The following SPTLC1 variants were observed in gnomAD, a reference collection of about 807,000 sequenced individuals.
The protein encoded by SPTLC1 is serine palmitoyltransferase long chain base subunit 1.
In SPTLC1, 55 loss-of-function variants were observed where a neutral mutation model predicts 68.9. The observed-to-expected ratio is 0.80, with a 90% CI of 0.64 to 1.00. SPTLC1 has a LOEUF of 1.00. Among genes scored for constraint, SPTLC1 ranks in the 50% least tolerant of loss-of-function variants. The pLI is 0.00. For missense variants in SPTLC1, 449 were observed against 573.1 expected (o/e 0.78, Z 2.21); for synonymous variants, 197 against 201.6 (o/e 0.98, Z 0.19).
At chr9:92,112,046 G>A in intron 2 of SPTLC1, 2 of 166,280 alleles carry the variant, frequency 1.2e-5, no homozygotes, top group Non-Finnish European at 2.6e-5. Context: ...AATTTGAGAT[G>A]GGTATGAGTA....
intron 5 of SPTLC1, among the ~76,000 whole-genome samples, chr9:92,075,781 C>T (rs1834662536): frequency 6.6e-6 from 1 of 152,158 alleles, no homozygotes; most frequent in African/African-American, 2.4e-5. Context: ...TCTATTCACT[C>T]TTTATTGAAA....
At chr9:92,071,973 C>T (rs1834509079) in intron 5 of SPTLC1, among the ~76,000 whole-genome samples, 1 of 152,176 alleles carries the variant, frequency 6.6e-6, no homozygotes, top group South Asian at 2.1e-4. Flanking sequence ...CTGTAACTTT[C>T]CATTGCCTAC....
At position 92,080,860 on chromosome 9, in the gene SPTLC1, T is replaced by G; in HGVS notation, c.354+10A>C. 6.3e-7 allele frequency: 1 copy of G among 1,595,218 alleles called. No homozygotes were observed. Among genetic ancestry groups the G allele is most frequent in the Admixed American group, 1.7e-5 (1 of 59,984 alleles). On this transcript the variant is annotated intron_variant, in intron 4 of 14. Coordinates refer to ENST00000262554, the MANE Select transcript of SPTLC1 (RefSeq NM_006415.4). ...GTTATCTGTCCACTTCAGCAATATG[T>G]GCTACTCACCTTAACCCTAGGGTTA...
chr9:92,041,541 C>T (rs996751069), intron 12 of SPTLC1, among the ~76,000 whole-genome samples: 5 of 152,186 alleles, frequency 3.3e-5, no homozygotes, highest in African/African-American at 1.2e-4. Context: ...AGTGGGAGAC[C>T]TACTCTCAAC....
chr9:92,090,946 C>T (rs1369230238), intron 3 of SPTLC1, among the ~76,000 whole-genome samples: 1 of 152,138 alleles, frequency 6.6e-6, no homozygotes, highest in African/African-American at 2.4e-5. Context: ...TAACCTGGGT[C>T]CCTAATCATC....
chr9:92,055,806 A>G (rs77352402), intron 7 of SPTLC1, among the ~76,000 whole-genome samples: 7,891 of 152,312 alleles, frequency 0.052, 266 homozygotes, highest in Middle Eastern at 0.065. Flanking sequence ...GGGACTTTCT[A>G]AAGAAATGGG....
chr9:92,080,667 T>C (rs1366534040), intron 4 of SPTLC1, among the ~76,000 whole-genome samples: 1 of 152,144 alleles, frequency 6.6e-6, no homozygotes, highest in Non-Finnish European at 1.5e-5. Flanking sequence ...GCCTCCCAAG[T>C]AGCTGGGACT....
In SPTLC1 at chr9:92,050,051, T is replaced by A; in HGVS notation, c.797A>T (p.Lys266Ile). ...PLPELVKLKY[K>I]YKARIFLEES... ...CTCCAGGAAGATTCTTGCTTTGTATTTGTATTTTAACTTAACCTAAGTGTT... is the reference window on the plus strand; with the variant it reads ...CTCCAGGAAGATTCTTGCTTTGTATATGTATTTTAACTTAACCTAAGTGTT... Residue 266 changes from lysine to isoleucine, a missense_variant, in exon 9 of 15, where the codon AAA (lysine) becomes ATA (isoleucine). This residue lies in a region of SPTLC1 where 391 missense variants were observed against 472.1 expected (regional missense o/e 0.83). Transcript: ENST00000262554. 1 of 1,612,222 alleles carries A rather than the reference T, an allele frequency of 6.2e-7. No individual in the cohort carries two copies. Among genetic ancestry groups the A allele is most frequent in the South Asian group, 1.1e-5 (1 of 91,050 alleles).
intron 5 of SPTLC1, among the ~76,000 whole-genome samples, chr9:92,070,739 G>A (rs1834449975): frequency 6.6e-6 from 1 of 152,156 alleles, no homozygotes; most frequent in Admixed American, 6.5e-5. Context: ...ACAAGTTAAT[G>A]CTGATAAAAC....
intron 3 of SPTLC1, among the ~76,000 whole-genome samples, chr9:92,098,728 C>T (rs990148659): frequency 1.4e-4 from 22 of 151,974 alleles, no homozygotes; most frequent in African/African-American, 5.1e-4. Context: ...CCTTCCATGA[C>T]CCTTCTCTGA....
intron 6 of SPTLC1, among the ~76,000 whole-genome samples, chr9:92,063,613 C>G (rs1389726140): frequency 6.6e-6 from 1 of 152,034 alleles, no homozygotes; most frequent in African/African-American, 2.4e-5. Flanking sequence ...TAACAAAAGA[C>G]TGGCAAATCG....
intron 13 of SPTLC1, 144 bp from the exon 14 acceptor site, chr9:92,035,027 C>T: frequency 2.6e-6 from 2 of 762,866 alleles, no homozygotes; most frequent in Non-Finnish European, 4.7e-6. Flanking sequence ...AAATACTACA[C>T]CACCACCTTG....
chr9:92,095,632 T>A (rs1000808959), intron 3 of SPTLC1, among the ~76,000 whole-genome samples: 2 of 152,154 alleles, frequency 1.3e-5, no homozygotes, highest in Non-Finnish European at 2.9e-5. Context: ...AAAAAACACC[T>A]CAACCCTTGA....
At chr9:92,105,794 G>A (rs1835949718) in intron 3 of SPTLC1, among the ~76,000 whole-genome samples, 2 of 151,382 alleles carry the variant, frequency 1.3e-5, no homozygotes, top group Non-Finnish European at 2.9e-5. Flanking sequence ...GAGCGCCTCT[G>A]CCTTGCCGCC....
intron 7 of SPTLC1, 145 bp from the exon 8 acceptor site, chr9:92,055,639 T>TCACC: frequency 2.4e-6 from 2 of 838,102 alleles, no homozygotes; most frequent in Non-Finnish European, 3.9e-6. Flanking sequence ...TTGTGATGGG[T>TCACC]TATTTTGAGA....
intron 8 of SPTLC1, among the ~76,000 whole-genome samples, chr9:92,054,278 T>A (rs1290788463): frequency 6.6e-6 from 1 of 152,086 alleles, no homozygotes; most frequent in Non-Finnish European, 1.5e-5. Flanking sequence ...TGAAACTCCA[T>A]CTCAAACAAA....
At chr9:92,115,191 G>A in intron 1 of SPTLC1, 123 bp downstream of exon 1, 7 of 912,088 alleles carry the variant, frequency 7.7e-6, no homozygotes, top group South Asian at 4.0e-5. Flanking sequence ...TCCAGCAAGA[G>A]GCACCGAGTC....
chr9:92,043,528 A>G (rs1260261333), intron 12 of SPTLC1, among the ~76,000 whole-genome samples: 1 of 151,728 alleles, frequency 6.6e-6, no homozygotes, highest in African/African-American at 2.4e-5. Flanking sequence ...TGTCCCTCTC[A>G]CTCATTAGCA....
chr9:92,105,330 A>C (rs1000305900), intron 3 of SPTLC1: 345 of 1,522,696 alleles, frequency 2.3e-4, no homozygotes, highest in Non-Finnish European at 3.3e-5. Context: ...CGCCTCCAGC[A>C]GGGCAACATG....
Sources: gnomAD v4.1 joint callset for allele counts (sites outside exome capture counted in the v4.1 genomes callset) on GRCh38, gnomAD v4.1.1 for gene constraint, gnomAD v4.1.1 regional missense constraint, MANE v1.5 for transcripts, NCBI Gene and HGNC (gene_info 2026-07-23, HGNC 2026-07-21) for gene names.